ZNF578: variants seen among roughly 807,000 people sequenced by gnomAD.
ZNF578 encodes Putative chemokine-related protein B42.
Under a neutral mutation model 8.3 loss-of-function variants are expected in ZNF578, and 8 were observed. That is an observed-to-expected ratio of 0.96 (90% confidence interval 0.56 to 1.74). The LOEUF is 1.74. Ranked by LOEUF, ZNF578 falls within the 40% of genes most tolerant of loss-of-function variation. ZNF578 has a pLI of 0.00. For synonymous variants in ZNF578, 206 were observed against 232.2 expected (o/e 0.89, Z 1.03); for missense variants, 726 against 707.5 (o/e 1.03, Z -0.30).
chr19:52,503,728 T>A (rs2059415331), intron 4 of ZNF578, among the ~76,000 whole-genome samples: 1 of 152,042 alleles, frequency 6.6e-6, no homozygotes. Context: ...TCTTAGCTCA[T>A]CTAGAGACTA....
intron 2 of ZNF578, among the ~76,000 whole-genome samples, chr19:52,486,992 G>A (rs541487259): frequency 4.3e-4 from 65 of 150,644 alleles, no homozygotes; most frequent in Non-Finnish European, 7.5e-4. Flanking sequence ...AGAGAGAGAA[G>A]GGGAGAATGA....
chr19:52,485,996 C>T (rs542842761), intron 2 of ZNF578, among the ~76,000 whole-genome samples: 1 of 152,194 alleles, frequency 6.6e-6, no homozygotes, highest in East Asian at 1.9e-4. Flanking sequence ...AGAGGAAGGC[C>T]TCTTTGCAGT....
intron 5 of ZNF578, among the ~76,000 whole-genome samples, chr19:52,508,212 G>T (rs1269899915): frequency 1.3e-5 from 2 of 151,944 alleles, no homozygotes. Flanking sequence ...GTGCGTGGTG[G>T]TGCATGCCTA....
chr19:52,486,109 G>C (rs530053276), intron 2 of ZNF578, among the ~76,000 whole-genome samples: 25 of 152,312 alleles, frequency 1.6e-4, no homozygotes, highest in African/African-American at 6.0e-4. Flanking sequence ...AGGAGAAAAC[G>C]GCCTTAGGGC....
chr19:52,514,440 G>T lies in ZNF578; in HGVS notation c.*2286G>T, dbSNP rs633763. Among the ~76,000 whole-genome samples the T allele has an allele frequency of 0.62, 94,924 of 152,110 alleles. 30,331 individuals carry two copies. The highest frequency in any genetic ancestry group is 0.75 in the African/African-American group (31,326 of 41,506). On this transcript the variant is annotated 3_prime_UTR_variant, in exon 6 of 6. Coordinates refer to ENST00000421239, the MANE Select transcript of ZNF578 (RefSeq NM_001099694.2). ...TACCTACTACTTAAGTTTGATTGTT[G>T]CAGTGTGTACTTGGTAAAGATGTCA... is the stretch of plus-strand genomic sequence containing the variant.
intron 5 of ZNF578, among the ~76,000 whole-genome samples, chr19:52,505,583 A>G (rs1195483098): frequency 3.3e-5 from 5 of 151,418 alleles, no homozygotes; most frequent in Non-Finnish European, 7.4e-5. Context: ...CACCATGCCC[A>G]GCTAGTTTTT....
intron 2 of ZNF578, among the ~76,000 whole-genome samples, chr19:52,477,279 G>A (rs1030756437): frequency 6.6e-5 from 10 of 152,170 alleles, no homozygotes; most frequent in Admixed American, 6.5e-4. Flanking sequence ...TGTTCCTGGG[G>A]TGAGGGAATC....
intron 3 of ZNF578, among the ~76,000 whole-genome samples, chr19:52,497,076 G>A (rs2059389588): frequency 6.6e-6 from 1 of 151,560 alleles, no homozygotes; most frequent in South Asian, 2.1e-4. Flanking sequence ...GGGGCCACAG[G>A]CACGCCCCAC....
chr19:52,458,822 G>A (rs1444513546), intron 2 of ZNF578: 1 of 151,968 alleles, frequency 6.6e-6, no homozygotes, highest in Non-Finnish European at 1.5e-5. Flanking sequence ...ATAAAGTTTT[G>A]TTGTTTAAAA....
At chr19:52,508,070 G>C (rs546292316) in intron 5 of ZNF578, among the ~76,000 whole-genome samples, 59 of 151,610 alleles carry the variant, frequency 3.9e-4, no homozygotes, top group African/African-American at 1.4e-3. Flanking sequence ...AAAGAGGCGG[G>C]GCACGGTGGC....
At chr19:52,493,148 C>T (rs1228533003) in intron 3 of ZNF578, among the ~76,000 whole-genome samples, 1 of 152,178 alleles carries the variant, frequency 6.6e-6, no homozygotes, top group African/African-American at 2.4e-5. Context: ...CCCCGTGCTT[C>T]TTAAAGTCCT....
intron 2 of ZNF578, among the ~76,000 whole-genome samples, chr19:52,478,432 GT>G (rs2059314802): frequency 6.6e-6 from 1 of 152,168 alleles, no homozygotes; most frequent in Admixed American, 6.5e-5. Flanking sequence ...CTCTATTGGG[GT>G]TTCTATTTCT....
chr19:52,454,797 A>T (rs1233985531), intron 1 of ZNF578: 2 of 152,174 alleles, frequency 1.3e-5, no homozygotes, highest in African/African-American at 2.4e-5. Context: ...CTCCTTGTAG[A>T]TAGTGTAAGA....
chr19:52,460,596 C>G (rs1016693097), intron 2 of ZNF578, among the ~76,000 whole-genome samples: 4 of 152,108 alleles, frequency 2.6e-5, no homozygotes, highest in Admixed American at 1.3e-4. Flanking sequence ...GTAGGTTTGC[C>G]TTTTCCTTCT....
chr19:52,494,326 CAAAAA>C (rs971017385), intron 3 of ZNF578, among the ~76,000 whole-genome samples: 1 of 142,422 alleles, frequency 7.0e-6, no homozygotes, highest in African/African-American at 2.6e-5. Context: ...CCATCGCTGT[CAAAAA>C]AAAAAGAAAA....
At chr19:52,485,467 C>A (rs915734160) in intron 2 of ZNF578, among the ~76,000 whole-genome samples, 1 of 152,166 alleles carries the variant, frequency 6.6e-6, no homozygotes, top group African/African-American at 2.4e-5. Flanking sequence ...CATTGAGCAT[C>A]GAAGCTCTGT....
At chr19:52,500,214 A>C (rs191213759) in intron 3 of ZNF578, among the ~76,000 whole-genome samples, 2 of 152,242 alleles carry the variant, frequency 1.3e-5, no homozygotes, top group East Asian at 3.9e-4. Context: ...ATTTTGCCCA[A>C]GGTGGTCGGC....
intron 5 of ZNF578, among the ~76,000 whole-genome samples, chr19:52,506,331 C>T (rs1392715930): frequency 6.6e-6 from 1 of 151,918 alleles, no homozygotes; most frequent in African/African-American, 2.4e-5. Flanking sequence ...TACTACCAGG[C>T]TGGGTGCGGT....
rs1443886202 is a variant in ZNF578, at chr19:52,513,540, C to T, written c.*1386C>T. Reference sequence around the variant, plus strand: ...AGTCAGGAGATTGAGACCGTCCTGGCTAACACGGTGAAACCTCGTCTCTAC... The same window carrying T: ...AGTCAGGAGATTGAGACCGTCCTGGTTAACACGGTGAAACCTCGTCTCTAC... On this transcript the variant is annotated 3_prime_UTR_variant, in exon 6 of 6. Transcript: ENST00000421239. 2.0e-5 allele frequency among the ~76,000 whole-genome samples: 3 copies of T among 151,340 alleles called. No homozygotes were observed. The highest frequency in any genetic ancestry group is 4.4e-5 in the Non-Finnish European group (3 of 67,846).
Sources: gnomAD v4.1 joint callset for allele counts (sites outside exome capture counted in the v4.1 genomes callset) on GRCh38, gnomAD v4.1.1 for gene constraint, MANE v1.5 for transcripts, NCBI Gene and HGNC (gene_info 2026-07-23, HGNC 2026-07-21) for gene names.